Variants in BRCA1 observed in about 807,000 individuals in gnomAD.
BRCA1 encodes the protein breast cancer type 1 susceptibility protein.
BRCA1 carries 140 observed loss-of-function variants against 173.7 expected under a neutral mutation model. That is an observed-to-expected ratio of 0.81 (90% CI 0.70 to 0.93). The LOEUF (loss-of-function observed/expected upper bound fraction) is 0.93, where lower values mean the gene tolerates loss of function less well. Ranked by LOEUF, BRCA1 falls within the 40% of genes least tolerant of loss-of-function variation. The pLI, the probability that BRCA1 is intolerant of heterozygous loss-of-function variation, is 0.00. For synonymous variants in BRCA1, 662 were observed against 756.0 expected, an observed-to-expected ratio of 0.88 and a Z score of 2.04; for missense variants, 1,983 against 2,172.5, an observed-to-expected ratio of 0.91 and a Z score of 1.73.
At chr17:43,130,211 C>G (rs899258929), upstream of BRCA1, among the ~76,000 whole-genome samples, 1 of 152,040 alleles carries the variant, frequency 6.6e-6, no homozygotes, top group Non-Finnish European at 1.5e-5. Flanking sequence ...AGACAGGGTC[C>G]GGCTTTGTTG....
At chr17:43,141,338 G>A (rs1395656864) in intron 1 of BRCA1, among the ~76,000 whole-genome samples, 3 of 152,242 alleles carry the variant, frequency 2.0e-5, no homozygotes, top group African/African-American at 2.4e-5. Flanking sequence ...GCATGGTGGT[G>A]CATGCCTGTA....
chr17:43,093,855 C>T lies in BRCA1; in HGVS notation c.1676G>A (p.Gly559Asp), dbSNP rs80356980. 1.9e-6 allele frequency: 3 copies of T among 1,613,664 alleles called. No homozygotes were observed. Among genetic ancestry groups the T allele is most frequent in the Non-Finnish European group, 2.5e-6 (3 of 1,179,940 alleles). The change falls in exon 10 of 23, where the codon GGT (glycine) becomes GAT (aspartate). Residue 559 changes from glycine to aspartate, a missense_variant. Transcript: ENST00000357654. ...ATTTTTCTCATTCTGAATAGAATCA[C>T]CTTTTGTTTTATTCTCATGACCACT... ...TNSGHENKTKGDSIQNEKNPN... is the reference protein window; with the variant it reads ...TNSGHENKTKDDSIQNEKNPN...
intron 1 of BRCA1, chr17:43,166,111 T>A (rs1397888038): frequency 6.7e-6 from 1 of 148,732 alleles, no homozygotes; most frequent in Non-Finnish European, 1.5e-5. Flanking sequence ...ACTTTCCTTT[T>A]GCCTCTGCCT....
intron 12 of BRCA1, among the ~76,000 whole-genome samples, chr17:43,078,821 C>T (rs922029676): frequency 3.9e-5 from 6 of 152,096 alleles, no homozygotes; most frequent in Non-Finnish European, 2.9e-5. Context: ...ATCATCCTCC[C>T]CACCCCCAAT....
intron 15 of BRCA1, 67 bp downstream of exon 15, chr17:43,070,861 A>T (rs2153798466): frequency 6.5e-7 from 1 of 1,546,270 alleles, no homozygotes; most frequent in Middle Eastern, 1.7e-4. Context: ...GACAATACCT[A>T]CATAAAACTC....
chr17:43,145,770 T>C (rs1567831753), intron 1 of BRCA1, among the ~76,000 whole-genome samples: 2 of 152,176 alleles, frequency 1.3e-5, no homozygotes, highest in Non-Finnish European at 2.9e-5. Flanking sequence ...ATTTGCTGGT[T>C]GTTTATTTTT....
chr17:43,128,542 A>G (rs561848424), upstream of BRCA1, among the ~76,000 whole-genome samples: 2 of 152,296 alleles, frequency 1.3e-5, no homozygotes, highest in South Asian at 4.1e-4. Context: ...TACTGATGGA[A>G]GGCCACGACT....
chr17:43,159,759 T>C (rs1457771502), intron 1 of BRCA1: 4 of 164,090 alleles, frequency 2.4e-5, no homozygotes, highest in African/African-American at 9.6e-5. Context: ...GTTCACTTGT[T>C]TATCTGCTGA....
At chr17:43,135,068 C>T (rs2154581373) in intron 1 of BRCA1, among the ~76,000 whole-genome samples, 1 of 152,388 alleles carries the variant, frequency 6.6e-6, no homozygotes, top group African/African-American at 2.4e-5. Flanking sequence ...CAGCCCCTGG[C>T]TTTGGGCTTG....
intron 6 of BRCA1, among the ~76,000 whole-genome samples, chr17:43,102,950 T>TC (rs1166258139): frequency 6.8e-6 from 1 of 146,474 alleles, no homozygotes; most frequent in East Asian, 2.0e-4. Flanking sequence ...CCCAGCTACT[T>TC]TTTTTTTTTT....
intron 13 of BRCA1, among the ~76,000 whole-genome samples, 162 bp downstream of exon 13, chr17:43,076,326 C>A (rs1597838714): frequency 6.6e-6 from 1 of 151,966 alleles, no homozygotes; most frequent in East Asian, 1.9e-4. Context: ...GTTCAAAAAA[C>A]CTATATAGGA....
chr17:43,138,776 T>C (rs561096358), intron 1 of BRCA1: 6 of 779,050 alleles, frequency 7.7e-6, no homozygotes, highest in African/African-American at 1.7e-5. Flanking sequence ...TTTCCTCCCC[T>C]GTAGCAGCAG....
chr17:43,051,733 T>G (rs1465059570), intron 19 of BRCA1, among the ~76,000 whole-genome samples: 2 of 150,112 alleles, frequency 1.3e-5, no homozygotes, highest in Non-Finnish European at 3.0e-5. Context: ...GCCTCCAGGG[T>G]TCAAGCGATT....
At chr17:43,047,167 G>C (rs773244301) in intron 22 of BRCA1, among the ~76,000 whole-genome samples, 3 of 151,316 alleles carry the variant, frequency 2.0e-5, no homozygotes, top group Non-Finnish European at 4.4e-5. Context: ...TGGTGTGATC[G>C]TGGCTCACTG....
chr17:43,132,448 C>T (rs2055975457), intron 1 of BRCA1, among the ~76,000 whole-genome samples: 1 of 152,122 alleles, frequency 6.6e-6, no homozygotes, highest in Non-Finnish European at 1.5e-5. Flanking sequence ...GCTCTAAAAC[C>T]CACTGAACAA....
At position 43,115,501 on chromosome 17, in the gene BRCA1, C is replaced by CAA. The variant is rs35149296; in HGVS notation, c.134+223_134+224dup. Among the ~76,000 whole-genome samples the CAA allele has an allele frequency of 2.3e-3, 286 of 123,318 alleles. 3 individuals are homozygous for CAA. The highest frequency in any genetic ancestry group is 7.8e-3 in the African/African-American group (256 of 33,028). The allele number at this position is 123,318 out of a possible 152,430, so 80.9% of individuals were successfully genotyped here. A position where few individuals can be genotyped will look rare whatever the true frequency, so the allele number is the denominator to read the frequency against. On this transcript the variant is annotated intron_variant, in intron 3 of 22. Coordinates refer to ENST00000357654, the MANE Select transcript of BRCA1 (RefSeq NM_007294.4). Reference sequence around the variant, plus strand: ...TGGGCGACAGAGCGAGACTTTGTCTCAAAAAAAAAAAAAAAGATAATATAT... The same window carrying CAA: ...TGGGCGACAGAGCGAGACTTTGTCTCAAAAAAAAAAAAAAAAAGATAATATAT...
intron 1 of BRCA1, chr17:43,144,797 G>T (rs894042171): frequency 2.8e-4 from 107 of 385,010 alleles, no homozygotes; most frequent in Non-Finnish European, 4.8e-4. Flanking sequence ...GAGGCAGGTG[G>T]TTCATCTAAG....
At chr17:43,051,697 T>C (rs1324055537) in intron 19 of BRCA1, among the ~76,000 whole-genome samples, 1 of 151,494 alleles carries the variant, frequency 6.6e-6, no homozygotes, top group Non-Finnish European at 1.5e-5. Flanking sequence ...AGCGTAGTGG[T>C]GCGATCTGGG....
chr17:43,076,265 G>C (rs2052705259), intron 13 of BRCA1, among the ~76,000 whole-genome samples: 1 of 152,104 alleles, frequency 6.6e-6, no homozygotes, highest in East Asian at 1.9e-4. Context: ...ACCTTCAGAA[G>C]GGACATATCT....
Sources: gnomAD v4.1 joint callset for allele counts (sites outside exome capture counted in the v4.1 genomes callset) on GRCh38, gnomAD v4.1.1 for gene constraint, MANE v1.5 for transcripts, NCBI Gene and HGNC (gene_info 2026-07-23, HGNC 2026-07-21) for gene names.